MORC2: variants seen among roughly 807,000 people sequenced by gnomAD.
The protein encoded by MORC2 is ATPase MORC2.
Under a neutral mutation model 136.0 loss-of-function variants are expected in MORC2, and 30 were observed. That is an observed-to-expected ratio of 0.22 (90% confidence interval 0.17 to 0.30). The LOEUF (loss-of-function observed/expected upper bound fraction) is 0.30. MORC2 is among the 10% of genes least tolerant of loss of function. MORC2 has a pLI of 1.00. For synonymous variants in MORC2, 439 were observed against 487.0 expected (o/e 0.90, Z 1.30); for missense variants, 922 against 1,333.1 (o/e 0.69, Z 4.80).
intron 24 of MORC2, among the ~76,000 whole-genome samples, chr22:30,930,756 C>G (rs1034609565): frequency 1.3e-5 from 2 of 152,192 alleles, no homozygotes; most frequent in Non-Finnish European, 2.9e-5. Flanking sequence ...GAAAACTTAG[C>G]TATTCCTATA....
At position 30,937,149 on chromosome 22, in the gene MORC2, C is replaced by G. The variant is rs1392437993; in HGVS notation, c.1499-112G>C. 1.3e-6 allele frequency: 1 copy of G among 743,548 alleles called. No individual in the cohort carries two copies. The highest frequency in any genetic ancestry group is 2.4e-6 in the Non-Finnish European group (1 of 424,636). 46.1% of individuals were successfully genotyped at this position (743,548 alleles called of 1,614,324 possible). A position where few individuals can be genotyped will look rare whatever the true frequency, so the allele number is the denominator to read the frequency against. On this transcript the variant is annotated intron_variant, in intron 15 of 25. Coordinates refer to ENST00000397641, the MANE Select transcript of MORC2 (RefSeq NM_001303256.3). This position sits in a 1 kb window ranked among gnomAD's most constrained non-coding sequence, Gnocchi z 4.7. ...TGCCCCAGACTTTGTAGGCAAAGAT[C>G]TTCACTCGGGCTCCAACTCTGCCTA...
At position 30,940,788 on chromosome 22, in the gene MORC2, C is replaced by T; in HGVS notation, c.874G>A (p.Val292Met). 4 of 1,614,166 alleles carry T rather than the reference C, an allele frequency of 2.5e-6. No individual in the cohort carries two copies. Among genetic ancestry groups the T allele is most frequent in the Non-Finnish European group, 3.4e-6 (4 of 1,180,032 alleles). The change falls in exon 10 of 26, where the codon GTG becomes ATG. Residue 292 changes from valine (V) to methionine (M), a missense_variant. By Grantham distance (21) the Val-to-Met change is conservative (BLOSUM62 1). This residue lies in a region of MORC2 where 261 missense variants were observed against 354.3 expected (regional missense o/e 0.74). Coordinates refer to ENST00000397641, the MANE Select transcript of MORC2 (RefSeq NM_001303256.3). Reference protein sequence around the residue: ...SRFKTRAEQEVKKAEHVARIA... With the variant: ...SRFKTRAEQEMKKAEHVARIA... The stretch of plus-strand genomic sequence containing the variant: ...CTTGCTACGTGCTCTGCTTTCTTCA[C>T]CTCCTGCTCCGCACGGGTCTTGAAA...
At chr22:30,967,589 G>T in intron 1 of MORC2, 1 of 1,340,840 alleles carries the variant, frequency 7.5e-7, no homozygotes, top group Non-Finnish European at 9.6e-7. Flanking sequence ...ACTAAAGTTT[G>T]CATTTAGAAA....
At chr22:30,948,711 A>G (rs771415720) in intron 5 of MORC2, among the ~76,000 whole-genome samples, 3 of 152,196 alleles carry the variant, frequency 2.0e-5, no homozygotes, top group Non-Finnish European at 2.9e-5. Context: ...AGGCATTTTT[A>G]ATGCCTTTGG....
chr22:30,951,804 A>G (rs1213226162), intron 3 of MORC2, among the ~76,000 whole-genome samples: 1 of 152,074 alleles, frequency 6.6e-6, no homozygotes, highest in Non-Finnish European at 1.5e-5. Context: ...GTAAATTAAA[A>G]TGCTATTTTT....
chr22:30,932,474 A>C lies in MORC2; in HGVS notation c.2748-22T>G. 2 of 1,613,318 alleles carry C rather than the reference A, an allele frequency of 1.2e-6. No homozygotes were observed. The highest frequency in any genetic ancestry group is 2.2e-5 in the South Asian group (2 of 91,052). On this transcript the variant is annotated intron_variant, in intron 23 of 25. Coordinates refer to ENST00000397641, the MANE Select transcript of MORC2 (RefSeq NM_001303256.3). This position sits in a 1 kb window ranked among gnomAD's most constrained non-coding sequence, Gnocchi z 4.4. ...ATTCCTAAAGAAGGCAGGGACAGTA[A>C]TTCAGAATGGCATGGAGCAGGCAGA...
In MORC2 at chr22:30,937,048, C is replaced by CA. The variant is rs749728597; in HGVS notation, c.1499-12dup. 7 of 1,595,638 alleles carry CA rather than the reference C, an allele frequency of 4.4e-6. No homozygotes were observed. Among genetic ancestry groups the CA allele is most frequent in the Non-Finnish European group, 4.3e-6 (5 of 1,163,934 alleles). ...ATTTCAGACACAAATCTGCAGAGAG[C>CA]AAAAAAACCCCACATATCAGCCACG... On this transcript the variant is annotated splice_polypyrimidine_tract_variant and intron_variant, in intron 15 of 25. Coordinates refer to ENST00000397641, the MANE Select transcript of MORC2 (RefSeq NM_001303256.3). This position sits in a 1 kb window ranked among gnomAD's most constrained non-coding sequence, Gnocchi z 4.7.
At chr22:30,950,488 C>A (rs1414767510) in intron 3 of MORC2, 43 bp from the exon 4 acceptor site, 1 of 1,583,146 alleles carries the variant, frequency 6.3e-7, no homozygotes, top group East Asian at 2.2e-5. Flanking sequence ...TTACCCACCA[C>A]AGGGTGGCAA....
At position 30,941,849 on chromosome 22, in the gene MORC2, A is replaced by AC; in HGVS notation, c.698+41dup. The stretch of plus-strand genomic sequence containing the variant: ...CTGAAGCCATCTCCTGAGAGCACAA[A>AC]CGCCAGTTCCAGGGCCTCCCTCCCT... On this transcript the variant is annotated intron_variant, in intron 8 of 25. Transcript: ENST00000397641. The surrounding 1 kb of genome is among the most constrained non-coding windows in gnomAD (Gnocchi z 4.6). 1 of 1,507,238 alleles carries AC rather than the reference A, an allele frequency of 6.6e-7. No homozygotes were observed. The highest frequency in any genetic ancestry group is 9.2e-7 in the Non-Finnish European group (1 of 1,086,416). The allele number at this position is 1,507,238 out of a possible 1,614,324, so 93.4% of individuals were successfully genotyped here. A position where few individuals can be genotyped will look rare whatever the true frequency, so the allele number is the denominator to read the frequency against.
Position 30,934,708 on chromosome 22 carries a change from C to T in MORC2, c.2193+73G>A. On this transcript the variant is annotated intron_variant, in intron 19 of 25. Transcript: ENST00000397641. The surrounding 1 kb of genome is among the most constrained non-coding windows in gnomAD (Gnocchi z 4.4). ...TCTTCCGAAGGCTCCCCCAGTACAGCTGTGACACTGCACAATTCCATTCCT... is the reference window on the plus strand; with the variant it reads ...TCTTCCGAAGGCTCCCCCAGTACAGTTGTGACACTGCACAATTCCATTCCT... 3 of 1,558,142 alleles carry T rather than the reference C, an allele frequency of 1.9e-6. No homozygotes were observed. The Admixed American group carries it at 5.2e-5, about 27-fold the overall frequency.
chr22:30,967,618 A>T, intron 1 of MORC2: 1 of 1,368,956 alleles, frequency 7.3e-7, no homozygotes, highest in Non-Finnish European at 9.4e-7. Context: ...CCAATAAACA[A>T]AAATCAGATT....
intron 24 of MORC2, among the ~76,000 whole-genome samples, chr22:30,931,927 T>C (rs1235077390): frequency 1.3e-5 from 2 of 152,248 alleles, no homozygotes; most frequent in African/African-American, 4.8e-5. Context: ...ATCCAATGCT[T>C]ATGTCCACAC....
At position 30,958,703 on chromosome 22, in the gene MORC2, A is replaced by G. The variant is rs1417557049; in HGVS notation, c.69-9T>C. ...AGAATTCGTGAGTGGTTCTGAAATG[A>G]TAAATACTAAAAGTCAGCAAAAGAA... On this transcript the variant is annotated splice_polypyrimidine_tract_variant and intron_variant, in intron 1 of 25. Coordinates refer to ENST00000397641, the MANE Select transcript of MORC2 (RefSeq NM_001303256.3). 1 of 1,540,458 alleles carries G rather than the reference A, an allele frequency of 6.5e-7. No homozygotes were observed.
At chr22:30,955,004 G>A (rs899251394) in intron 3 of MORC2, among the ~76,000 whole-genome samples, 4 of 145,612 alleles carry the variant, frequency 2.7e-5, no homozygotes, top group Non-Finnish European at 6.0e-5. Context: ...TGTTGCCCAG[G>A]CTGGAGTGCA....
At chr22:30,933,368 T>C (rs1649332924) in intron 21 of MORC2, 98 bp downstream of exon 21, 2 of 1,363,228 alleles carry the variant, frequency 1.5e-6, no homozygotes, top group Non-Finnish European at 2.1e-6. Flanking sequence ...CCAGGACAGA[T>C]TCAATGAGCC....
At chr22:30,927,115 A>T (rs1253349297) in intron 25 of MORC2, among the ~76,000 whole-genome samples, 1 of 151,600 alleles carries the variant, frequency 6.6e-6, no homozygotes, top group Non-Finnish European at 1.5e-5. Flanking sequence ...ATTGTCTTAG[A>T]TGTATATTTC....
intron 4 of MORC2, 145 bp from the exon 5 acceptor site, chr22:30,949,987 C>T: frequency 2.9e-6 from 2 of 687,796 alleles, no homozygotes; most frequent in Middle Eastern, 3.9e-4. Flanking sequence ...CACCATGAAG[C>T]ACATGGAGGC....
chr22:30,936,450 T>TCCTGTCACAGGCAGAGC (rs2040653724), intron 17 of MORC2, 61 bp downstream of exon 17: 1 of 1,595,572 alleles, frequency 6.3e-7, no homozygotes, highest in Admixed American at 1.7e-5. Flanking sequence ...TACTGAAGGT[T>TCCTGTCACAGGCAGAGC]CCTGTCACAG....
Position 30,934,964 on chromosome 22 carries a change from T to G in MORC2, c.2010A>C (p.Pro670=). The part of the protein sequence containing the change: ...EEASTSRLLQ[P]PEAPRKPANT... ...TGGCAGGCTTTCGGGGTGCCTCAGG[T>G]GGCTGGAGCAGCCTAGATGTGCTGG... The change falls in exon 19 of 26, where the codon CCA becomes CCC. Residue 670 remains proline (P), a synonymous_variant. Transcript: ENST00000397641. The surrounding 1 kb of genome is among the most constrained non-coding windows in gnomAD (Gnocchi z 4.4). 6.2e-7 allele frequency: 1 copy of G among 1,613,996 alleles called. No homozygotes were observed. Among genetic ancestry groups the G allele is most frequent in the Non-Finnish European group, 8.5e-7 (1 of 1,179,990 alleles).
Sources: gnomAD v4.1 joint callset for allele counts (sites outside exome capture counted in the v4.1 genomes callset) on GRCh38, gnomAD v4.1.1 for gene constraint, gnomAD v4.1.1 regional missense constraint, Gnocchi (gnomAD v3.1) non-coding constraint, MANE v1.5 for transcripts, NCBI Gene and HGNC (gene_info 2026-07-23, HGNC 2026-07-21) for gene names.